The following NEK5 variants were observed in gnomAD, a reference collection of about 807,000 sequenced individuals.
NEK5 encodes the protein NIMA related kinase 5.
NEK5 carries 88 observed loss-of-function variants against 109.2 expected under a neutral mutation model. The observed-to-expected ratio is 0.81, with a 90% CI of 0.68 to 0.96. The LOEUF (loss-of-function observed/expected upper bound fraction) is 0.96, where lower values mean the gene tolerates loss of function less well. NEK5 is among the 40% of genes least tolerant of loss of function. The pLI, the probability that NEK5 is intolerant of heterozygous loss-of-function variation, is 0.00. For missense variants in NEK5, 834 were observed against 920.7 expected, an observed-to-expected ratio of 0.91 and a Z score of 1.22; for synonymous variants, 283 against 299.9, an observed-to-expected ratio of 0.94 and a Z score of 0.58.
intron 23 of NEK5, among the ~76,000 whole-genome samples, chr13:52,042,649 A>G (rs949859463): frequency 1.4e-4 from 21 of 151,960 alleles, no homozygotes; most frequent in African/African-American, 4.8e-4. Flanking sequence ...TTAAAATATC[A>G]GAATAAAAGG....
intron 17 of NEK5, among the ~76,000 whole-genome samples, chr13:52,078,817 A>G (rs1287986649): frequency 1.3e-5 from 2 of 152,192 alleles, no homozygotes; most frequent in East Asian, 3.8e-4. Context: ...ACTGGAGTAG[A>G]TTGGGGTTGG....
chr13:52,093,060 C>A lies in NEK5; in HGVS notation c.1202G>T (p.Ser401Ile). The A allele has an allele frequency of 6.2e-7, 1 of 1,608,140 alleles. No homozygotes were observed. The highest frequency in any genetic ancestry group is 8.5e-7 in the Non-Finnish European group (1 of 1,175,238). ...AGCTAGACCACAATATTACCATTGA[C>A]TTGGGGATGGACCATGCCTCGTTTC... The part of the protein sequence containing the change: ...GQETRHGPSP[S>I]QWPAEYLQRK... The change falls in exon 13 of 24, where the codon AGT (serine) becomes ATT (isoleucine). Residue 401 changes from serine to isoleucine, a missense_variant. By Grantham distance (142) the Ser-to-Ile change is moderately radical. This residue lies in a region of NEK5 where 777 missense variants were observed against 824.7 expected (regional missense o/e 0.94). Transcript: ENST00000684899.
chr13:52,069,322 C>G (rs1648603268), intron 20 of NEK5, among the ~76,000 whole-genome samples: 1 of 152,192 alleles, frequency 6.6e-6, no homozygotes. Context: ...CCTCCATGAC[C>G]TGTCTCTCCT....
At chr13:52,115,803 TA>T (rs1277253742) in intron 4 of NEK5, among the ~76,000 whole-genome samples, 1 of 152,040 alleles carries the variant, frequency 6.6e-6, no homozygotes, top group African/African-American at 2.4e-5. Context: ...TGAGGGGCAC[TA>T]AATAACCTTT....
chr13:52,041,152 A>G (rs985135038), intron 23 of NEK5, among the ~76,000 whole-genome samples: 6 of 152,204 alleles, frequency 3.9e-5, no homozygotes, highest in Non-Finnish European at 8.8e-5. Flanking sequence ...ACACCTGAAT[A>G]AATCTAATGG....
At chr13:52,081,158 T>A (rs1955005409) in intron 17 of NEK5, among the ~76,000 whole-genome samples, 1 of 152,132 alleles carries the variant, frequency 6.6e-6, no homozygotes, top group Non-Finnish European at 1.5e-5. Context: ...AATGTTCAAA[T>A]CAGTATTTTG....
At chr13:52,071,214 G>T (rs1954778311) in intron 20 of NEK5, among the ~76,000 whole-genome samples, 1 of 152,188 alleles carries the variant, frequency 6.6e-6, no homozygotes, top group African/African-American at 2.4e-5. Context: ...CAACAAAAAG[G>T]GAGGGGTCCC....
intron 6 of NEK5, 24 bp from the exon 7 acceptor site, chr13:52,110,434 T>C: frequency 6.2e-7 from 1 of 1,605,964 alleles, no homozygotes; most frequent in South Asian, 1.1e-5. Context: ...AAATGTCATG[T>C]TGTTTGAGGT....
intron 19 of NEK5, among the ~76,000 whole-genome samples, chr13:52,074,307 G>C (rs1462574282): frequency 6.6e-6 from 1 of 152,104 alleles, no homozygotes; most frequent in Non-Finnish European, 1.5e-5. Context: ...GAACAGAATA[G>C]AGAACCCAGA....
chr13:52,101,730 T>C (rs1018472543), intron 11 of NEK5, among the ~76,000 whole-genome samples: 1 of 152,204 alleles, frequency 6.6e-6, no homozygotes, highest in African/African-American at 2.4e-5. Context: ...GAAGGAACCC[T>C]GCAGGTCATG....
At chr13:52,114,520 T>C (rs1036689377) in intron 4 of NEK5, among the ~76,000 whole-genome samples, 1 of 152,168 alleles carries the variant, frequency 6.6e-6, no homozygotes, top group Non-Finnish European at 1.5e-5. Flanking sequence ...ATCCATTCAG[T>C]TATTAACAAA....
chr13:52,087,845 T>C (rs994050561), intron 14 of NEK5, among the ~76,000 whole-genome samples: 2 of 151,962 alleles, frequency 1.3e-5, no homozygotes, highest in Admixed American at 1.3e-4. Flanking sequence ...CAGGATGGTC[T>C]CAATCTCCTG....
chr13:52,065,985 A>T (rs543436465), intron 20 of NEK5, among the ~76,000 whole-genome samples: 106 of 147,714 alleles, frequency 7.2e-4, no homozygotes, highest in Admixed American at 2.7e-3. Flanking sequence ...TTTTCACTAT[A>T]GAAAATCTGA....
At chr13:52,079,282 T>A (rs1034956109) in intron 17 of NEK5, among the ~76,000 whole-genome samples, 4 of 43,018 alleles carry the variant, frequency 9.3e-5, no homozygotes, top group African/African-American at 4.1e-4. Flanking sequence ...TAAAAAGTAA[T>A]CTGATCCCTC....
chr13:52,093,097 C>A lies in NEK5; in HGVS notation c.1165G>T (p.Asp389Tyr), dbSNP rs780082875. The change falls in exon 13 of 24, where the codon GAT becomes TAT. Residue 389 changes from aspartate to tyrosine, a missense_variant. This residue lies in a region of NEK5 where 777 missense variants were observed against 824.7 expected (regional missense o/e 0.94). Transcript: ENST00000684899. ...PIPQENTGVE[D>Y]YGQETRHGPS... Reference sequence around the variant, plus strand: ...CCATGCCTCGTTTCCTGACCGTAATCCTCAACTCCAGTATTTTCTTGAGGA... The same window carrying A: ...CCATGCCTCGTTTCCTGACCGTAATACTCAACTCCAGTATTTTCTTGAGGA... The A allele has an allele frequency of 6.2e-7, 1 of 1,613,600 alleles. No individual in the cohort carries two copies. The highest frequency in any genetic ancestry group is 1.3e-5 in the African/African-American group (1 of 74,890).
intron 20 of NEK5, among the ~76,000 whole-genome samples, chr13:52,067,179 A>G (rs574992789): frequency 6.6e-6 from 1 of 152,256 alleles, no homozygotes; most frequent in South Asian, 2.1e-4. Flanking sequence ...CTTTTTCAAA[A>G]TTTTTGGCCA....
rs530565761 is a variant in NEK5 at position 52,121,556 on chromosome 13, GT to G, written c.118-2142del. On this transcript the variant is annotated intron_variant, in intron 3 of 23. Transcript: ENST00000684899. ...ACTTTGTTACAGTGTTTTATTGCTA[GT>G]TTTTAAGTTACTCTAATAATGCACG... 3.7e-3 allele frequency among the ~76,000 whole-genome samples: 560 copies of G among 152,294 alleles called. 3 individuals carry two copies. The highest frequency in any genetic ancestry group is 0.013 in the African/African-American group (532 of 41,558).
rs375453075 is a variant in NEK5, at chr13:52,089,221, C to T, written c.1275+26G>A. 3.6e-6 allele frequency: 5 copies of T among 1,385,394 alleles called. No individual in the cohort carries two copies. The African/African-American group carries it at 7.1e-5, about 20-fold the overall frequency. The allele number at this position is 1,385,394 out of a possible 1,614,324, so 85.8% of individuals were successfully genotyped here. On this transcript the variant is annotated intron_variant, in intron 14 of 23. Coordinates refer to ENST00000684899, the MANE Select transcript of NEK5 (RefSeq NM_001365552.1). ...AAAACTATTAGGAAATTCCTAATTG[C>T]TTCCCATATTTGGTATTTTACTTAC...
chr13:52,125,011 A>G (rs1832460451), intron 3 of NEK5, among the ~76,000 whole-genome samples: 1 of 152,210 alleles, frequency 6.6e-6, no homozygotes, highest in African/African-American at 2.4e-5. Context: ...AAACGATCCC[A>G]AGGTTTTCAG....
Sources: allele counts gnomAD v4.1 joint callset (sites outside exome capture counted in the v4.1 genomes callset), GRCh38; gene constraint gnomAD v4.1.1; regional missense constraint gnomAD v4.1.1; transcripts MANE v1.5; gene names NCBI Gene and HGNC (gene_info 2026-07-23, HGNC 2026-07-21).